The following UBE2E2 variants were observed in gnomAD, a reference collection of about 807,000 sequenced individuals.
UBE2E2 encodes the protein ubiquitin-conjugating enzyme E2 E2.
UBE2E2 carries 6 observed loss-of-function variants against 24.7 expected under a neutral mutation model. The observed-to-expected ratio is 0.24, with a 90% CI of 0.13 to 0.48. The LOEUF (loss-of-function observed/expected upper bound fraction) is 0.48. Ranked by LOEUF, UBE2E2 falls within the 20% of genes least tolerant of loss-of-function variation. The pLI is 0.99. For synonymous variants in UBE2E2, 104 were observed against 83.6 expected, an observed-to-expected ratio of 1.24 and a Z score of -1.33; for missense variants, 169 against 245.0, an observed-to-expected ratio of 0.69 and a Z score of 2.07.
chr3:23,548,288 T>C (rs1396981382), intron 5 of UBE2E2, among the ~76,000 whole-genome samples: 1 of 152,252 alleles, frequency 6.6e-6, no homozygotes, highest in Non-Finnish European at 1.5e-5. Flanking sequence ...TTACACATTT[T>C]TCTTACTCCT....
At chr3:23,452,213 A>G (rs1698576104) in intron 3 of UBE2E2, among the ~76,000 whole-genome samples, 1 of 152,218 alleles carries the variant, frequency 6.6e-6, no homozygotes, top group Non-Finnish European at 1.5e-5. Context: ...GTGAATTCAC[A>G]CTTTCAACAG....
intron 4 of UBE2E2, among the ~76,000 whole-genome samples, chr3:23,522,533 G>A (rs1196422569): frequency 2.0e-5 from 3 of 152,096 alleles, no homozygotes; most frequent in African/African-American, 7.2e-5. Context: ...CAAATAGTGA[G>A]TTTGTACTCT....
At chr3:23,503,281 C>A (rs1368103870) in intron 4 of UBE2E2, among the ~76,000 whole-genome samples, 1 of 151,954 alleles carries the variant, frequency 6.6e-6, no homozygotes, top group Non-Finnish European at 1.5e-5. Flanking sequence ...CCTCCGCCCC[C>A]TGGATTCAAG....
chr3:23,456,484 C>T (rs550900721), intron 3 of UBE2E2, among the ~76,000 whole-genome samples: 56 of 152,246 alleles, frequency 3.7e-4, no homozygotes, highest in Middle Eastern at 3.4e-3. Context: ...ACTTGAAAGT[C>T]AAAATTACTC....
intron 3 of UBE2E2, among the ~76,000 whole-genome samples, chr3:23,460,048 T>G (rs1051649524): frequency 2.0e-5 from 3 of 152,178 alleles, no homozygotes; most frequent in Non-Finnish European, 4.4e-5. Flanking sequence ...GCAAGAAGAT[T>G]AAGTGACTAA....
At chr3:23,396,331 G>GTA (rs58629417) in intron 3 of UBE2E2, among the ~76,000 whole-genome samples, 19,281 of 142,958 alleles carry the variant, frequency 0.13, 1,367 homozygotes, top group Middle Eastern at 0.22. Context: ...ATATATATAC[G>GTA]TATATATATA....
intron 3 of UBE2E2, among the ~76,000 whole-genome samples, chr3:23,436,886 T>G (rs189142894): frequency 6.6e-6 from 1 of 152,326 alleles, no homozygotes; most frequent in Admixed American, 6.5e-5. Context: ...AGGGAATGTT[T>G]CACAGAGTAT....
At chr3:23,220,563 C>T (rs1420226100) in intron 3 of UBE2E2, among the ~76,000 whole-genome samples, 10 of 152,088 alleles carry the variant, frequency 6.6e-5, no homozygotes, top group African/African-American at 2.4e-4. Flanking sequence ...TTTTTCTTGG[C>T]CTTAACTGTC....
intron 3 of UBE2E2, among the ~76,000 whole-genome samples, chr3:23,496,480 G>T (rs1699605287): frequency 2.0e-5 from 3 of 151,704 alleles, no homozygotes; most frequent in Admixed American, 2.0e-4. Context: ...ATATTTATGT[G>T]TCCCTCAGTA....
chr3:23,509,727 CT>C (rs1694543331), intron 4 of UBE2E2, among the ~76,000 whole-genome samples: 2 of 120,956 alleles, frequency 1.7e-5, no homozygotes, highest in East Asian at 6.0e-4. Flanking sequence ...TCCCTCCCCC[CT>C]CCCCCCACCC....
chr3:23,556,002 A>G (rs191211998), intron 5 of UBE2E2, among the ~76,000 whole-genome samples: 11 of 152,200 alleles, frequency 7.2e-5, no homozygotes, highest in African/African-American at 2.6e-4. Context: ...AGTAGATTAT[A>G]GCTGTCTTGC....
At chr3:23,355,094 T>C (rs1337927741) in intron 3 of UBE2E2, among the ~76,000 whole-genome samples, 2 of 151,520 alleles carry the variant, frequency 1.3e-5, no homozygotes, top group East Asian at 1.9e-4. Context: ...ATGGATGAAA[T>C]TGGAAATCAT....
chr3:23,401,848 CTT>C (rs35903137), intron 3 of UBE2E2, among the ~76,000 whole-genome samples: 6,759 of 67,556 alleles, frequency 0.1, 86 homozygotes, highest in Middle Eastern at 0.13. Flanking sequence ...TGCCTGGCTA[CTT>C]TTTTTTTTTT....
intron 3 of UBE2E2, among the ~76,000 whole-genome samples, chr3:23,334,258 C>T (rs1427719510): frequency 6.6e-6 from 1 of 151,928 alleles, no homozygotes; most frequent in African/African-American, 2.4e-5. Context: ...TCCTCATCTA[C>T]TTTATTCTAG....
intron 3 of UBE2E2, among the ~76,000 whole-genome samples, chr3:23,253,425 T>C (rs1265071811): frequency 6.6e-6 from 1 of 152,208 alleles, no homozygotes; most frequent in Non-Finnish European, 1.5e-5. Flanking sequence ...ATGTGGGATA[T>C]GTGTTCAGCC....
At chr3:23,203,320 T>C, upstream of UBE2E2, 3 of 986,606 alleles carry the variant, frequency 3.0e-6, no homozygotes, top group Non-Finnish European at 3.6e-6. Flanking sequence ...GCGTGGTGCG[T>C]GGGTCCGGCT....
At chr3:23,358,609 T>C (rs1021452027) in intron 3 of UBE2E2, among the ~76,000 whole-genome samples, 1 of 152,248 alleles carries the variant, frequency 6.6e-6, no homozygotes, top group African/African-American at 2.4e-5. Flanking sequence ...TATACTGGTC[T>C]ACAATTATAA....
chr3:23,555,145 G>A (rs1365092763), intron 5 of UBE2E2, among the ~76,000 whole-genome samples: 2 of 152,036 alleles, frequency 1.3e-5, no homozygotes, highest in African/African-American at 4.8e-5. Flanking sequence ...TTGAACTCCC[G>A]ACCTCATGTG....
intron 3 of UBE2E2, among the ~76,000 whole-genome samples, chr3:23,481,199 T>C (rs1355503844): frequency 2.6e-5 from 4 of 152,228 alleles, no homozygotes; most frequent in Non-Finnish European, 5.9e-5. Context: ...GATAGGACTG[T>C]TGGTTGTCTA....
Sources: allele counts gnomAD v4.1 joint callset (sites outside exome capture counted in the v4.1 genomes callset), GRCh38; gene constraint gnomAD v4.1.1; transcripts MANE v1.5; gene names NCBI Gene and HGNC (gene_info 2026-07-23, HGNC 2026-07-21).